FER: variants seen among roughly 807,000 people sequenced by gnomAD.
FER encodes FER tyrosine kinase.
In FER, 63 loss-of-function variants were observed where a neutral mutation model predicts 111.0. That is an observed-to-expected ratio of 0.57 (90% CI 0.46 to 0.70). The LOEUF is 0.70. Among genes scored for constraint, FER ranks in the 30% least tolerant of loss-of-function variants. FER has a pLI of 0.00. For missense variants in FER, 914 were observed against 954.0 expected (o/e 0.96, Z 0.55); for synonymous variants, 327 against 313.9 (o/e 1.04, Z -0.44).
chr5:108,841,378 GT>G (rs1206872537), intron 5 of FER, among the ~76,000 whole-genome samples: 1 of 152,180 alleles, frequency 6.6e-6, no homozygotes, highest in Non-Finnish European at 1.5e-5. Flanking sequence ...CCATAAAACA[GT>G]TTTGTGAATC....
chr5:108,819,276 GC>G (rs1256265682), intron 3 of FER, among the ~76,000 whole-genome samples: 1 of 150,994 alleles, frequency 6.6e-6, no homozygotes, highest in African/African-American at 2.4e-5. Context: ...TCCTGCCTCA[GC>G]CTGTAATTCC....
chr5:109,123,722 A>C (rs562983844), intron 17 of FER, among the ~76,000 whole-genome samples: 1 of 152,154 alleles, frequency 6.6e-6, no homozygotes, highest in African/African-American at 2.4e-5. Flanking sequence ...TATTATTTCT[A>C]TCTTCTTATA....
At chr5:109,176,605 C>G (rs1187974372) in intron 17 of FER, among the ~76,000 whole-genome samples, 2 of 152,038 alleles carry the variant, frequency 1.3e-5, no homozygotes, top group African/African-American at 4.8e-5. Flanking sequence ...TCTATATTCT[C>G]AAGAAGGCAG....
intron 13 of FER, among the ~76,000 whole-genome samples, chr5:109,028,398 A>G (rs1769093109): frequency 6.6e-6 from 1 of 152,256 alleles, no homozygotes; most frequent in African/African-American, 2.4e-5. Flanking sequence ...TAGAATTTAT[A>G]ACCCATTGTG....
chr5:109,118,265 A>G (rs1410855321), intron 17 of FER, among the ~76,000 whole-genome samples: 1 of 152,130 alleles, frequency 6.6e-6, no homozygotes, highest in Non-Finnish European at 1.5e-5. Flanking sequence ...TGAGATAATC[A>G]TATGGTTTTT....
At position 109,137,946 on chromosome 5, in the gene FER, C is replaced by T. The variant is rs909015692; in HGVS notation, c.2048+37427C>T. 1.2e-4 allele frequency among the ~76,000 whole-genome samples: 18 copies of T among 152,126 alleles called. 1 individual carries two copies. Among genetic ancestry groups the T allele is most frequent in the Admixed American group, 9.2e-4 (14 of 15,266 alleles). ...AATGCTATCCTGGCCTATTTTCTCC[C>T]GCAAGATGTACTGGGCCTACTCTCT... On this transcript the variant is annotated intron_variant, in intron 17 of 19. Transcript: ENST00000281092.
chr5:108,901,212 T>A (rs1749966575), intron 10 of FER, among the ~76,000 whole-genome samples: 1 of 152,030 alleles, frequency 6.6e-6, no homozygotes, highest in Admixed American at 6.5e-5. Flanking sequence ...TTGGACTTCC[T>A]GGAACTGTGA....
chr5:109,030,139 T>C (rs556118468), intron 13 of FER, among the ~76,000 whole-genome samples: 4 of 152,314 alleles, frequency 2.6e-5, no homozygotes, highest in African/African-American at 9.6e-5. Context: ...GCTTTGTAAT[T>C]TTTAGTTATA....
At chr5:108,849,483 G>GTTA (rs1762344278) in intron 5 of FER, among the ~76,000 whole-genome samples, 5 of 143,302 alleles carry the variant, frequency 3.5e-5, no homozygotes, top group African/African-American at 7.8e-5. Context: ...TTGTTGTTTT[G>GTTA]TTTTGTTGTT....
intron 10 of FER, among the ~76,000 whole-genome samples, chr5:108,938,881 A>G (rs1407897762): frequency 6.6e-6 from 1 of 151,886 alleles, no homozygotes; most frequent in African/African-American, 2.4e-5. Context: ...TTCCCCTTCC[A>G]CCCCTACAGA....
At chr5:108,762,587 A>G (rs1301747667) in intron 1 of FER, among the ~76,000 whole-genome samples, 1 of 152,214 alleles carries the variant, frequency 6.6e-6, no homozygotes, top group East Asian at 1.9e-4. Flanking sequence ...AGTCCTTAAA[A>G]TGAGCTATAG....
At chr5:108,967,699 G>A (rs904614392) in intron 13 of FER, among the ~76,000 whole-genome samples, 2 of 141,990 alleles carry the variant, frequency 1.4e-5, no homozygotes, top group East Asian at 4.4e-4. Flanking sequence ...GGTGGAGGCT[G>A]TAGTGAGCCA....
rs961925152 is a variant in FER at position 108,956,074 on chromosome 5, A to G, written c.1533+1142A>G. The stretch of plus-strand genomic sequence containing the variant: ...TTCACACTATTCGTTAATTTTTCGT[A>G]GTATTCAGACCTCAACTTGATAATC... On this transcript the variant is annotated intron_variant, in intron 12 of 19. Coordinates refer to ENST00000281092, the MANE Select transcript of FER (RefSeq NM_005246.4). Among the ~76,000 whole-genome samples, 4 of 151,820 alleles carry G rather than the reference A, an allele frequency of 2.6e-5. No individual in the cohort carries two copies. The South Asian group carries it at 6.2e-4, about 24-fold the overall frequency.
intron 2 of FER, among the ~76,000 whole-genome samples, chr5:108,795,247 C>G (rs1042203394): frequency 2.0e-5 from 3 of 152,162 alleles, no homozygotes; most frequent in Admixed American, 6.5e-5. Context: ...ATCTCTTTAG[C>G]CCAGGAGGTT....
intron 16 of FER, among the ~76,000 whole-genome samples, chr5:109,097,420 C>A (rs1212014432): frequency 6.6e-6 from 1 of 151,546 alleles, no homozygotes; most frequent in Non-Finnish European, 1.5e-5. Flanking sequence ...CTTTTTTTTG[C>A]CTACTTTGAG....
intron 13 of FER, among the ~76,000 whole-genome samples, chr5:108,976,945 A>T (rs1469738101): frequency 6.6e-6 from 1 of 152,158 alleles, no homozygotes; most frequent in Non-Finnish European, 1.5e-5. Context: ...TGTGGGTCCC[A>T]TGGTGTTATT....
chr5:109,108,422 A>G (rs1749207061), intron 17 of FER, among the ~76,000 whole-genome samples: 1 of 152,284 alleles, frequency 6.6e-6, no homozygotes, highest in East Asian at 1.9e-4. Context: ...CTTAAAACTA[A>G]TAAATGCTGA....
intron 10 of FER, among the ~76,000 whole-genome samples, chr5:108,913,701 A>G (rs994354737): frequency 6.6e-6 from 1 of 152,232 alleles, no homozygotes; most frequent in Non-Finnish European, 1.5e-5. Context: ...AAAGGCATGT[A>G]CAAGAATATT....
At chr5:108,875,387 A>G (rs1220660168) in intron 8 of FER, among the ~76,000 whole-genome samples, 2 of 151,964 alleles carry the variant, frequency 1.3e-5, no homozygotes, top group Admixed American at 6.6e-5. Context: ...ACCAACACCT[A>G]TCTCCCATCT....
Sources: gnomAD v4.1 joint callset for allele counts (sites outside exome capture counted in the v4.1 genomes callset) on GRCh38, gnomAD v4.1.1 for gene constraint, MANE v1.5 for transcripts, NCBI Gene and HGNC (gene_info 2026-07-23, HGNC 2026-07-21) for gene names.